Variants in TTC17 observed in about 807,000 individuals in gnomAD.
TTC17 encodes the protein tetratricopeptide repeat protein 17.
TTC17 carries 58 observed loss-of-function variants against 143.8 expected under a neutral mutation model. The observed-to-expected ratio is 0.40, with a 90% CI of 0.33 to 0.50. The LOEUF is 0.50. TTC17 is among the 20% of genes least tolerant of loss of function. TTC17 has a pLI of 0.49. For synonymous variants in TTC17, 501 were observed against 497.8 expected, an observed-to-expected ratio of 1.01 and a Z score of -0.09; for missense variants, 1,273 against 1,392.5, an observed-to-expected ratio of 0.91 and a Z score of 1.37.
chr11:43,432,918 T>G (rs1259229357), intron 16 of TTC17, among the ~76,000 whole-genome samples: 1 of 152,238 alleles, frequency 6.6e-6, no homozygotes, highest in Non-Finnish European at 1.5e-5. Context: ...ATAATTCAAC[T>G]ATCGCCAAGC....
chr11:43,378,488 G>C (rs1856843709), intron 1 of TTC17, among the ~76,000 whole-genome samples: 1 of 152,150 alleles, frequency 6.6e-6, no homozygotes, highest in African/African-American at 2.4e-5. Context: ...GGTTGTTTCT[G>C]ATTGTCCTTT....
intron 15 of TTC17, among the ~76,000 whole-genome samples, chr11:43,409,811 GGTT>G (rs991031162): frequency 2.6e-5 from 4 of 151,478 alleles, no homozygotes; most frequent in African/African-American, 9.7e-5. Flanking sequence ...TTTATCTTGT[GGTT>G]GTTTTTGTTT....
In TTC17 at chr11:43,393,719, A is replaced by G. The variant is rs945733733; in HGVS notation, c.663+1767A>G. 7.2e-5 allele frequency among the ~76,000 whole-genome samples: 11 copies of G among 152,328 alleles called. No individual in the cohort carries two copies. The East Asian group carries it at 2.1e-3, about 29-fold the overall frequency. ...AGCTATCTGGGGGCCACCTGCCTCC[A>G]GTCATCCCATTAGCATATGAAAGAC... On this transcript the variant is annotated intron_variant, in intron 5 of 23. Transcript: ENST00000039989.
intron 15 of TTC17, among the ~76,000 whole-genome samples, chr11:43,414,263 A>G (rs1250862862): frequency 1.3e-5 from 2 of 152,134 alleles, no homozygotes; most frequent in African/African-American, 2.4e-5. Flanking sequence ...CATCACAACA[A>G]TGGTTACTTC....
Position 43,379,288 on chromosome 11 carries a change from A to G in TTC17, c.215A>G (p.Gln72Arg). 6.2e-7 allele frequency: 1 copy of G among 1,612,278 alleles called. No homozygotes were observed. The highest frequency in any genetic ancestry group is 8.5e-7 in the Non-Finnish European group (1 of 1,179,462). The change falls in exon 2 of 24, where the codon CAA (glutamine) becomes CGA (arginine). Residue 72 changes from glutamine to arginine, a missense_variant. Transcript: ENST00000039989. The stretch of plus-strand genomic sequence containing the variant: ...CATGACCTAGTCATATTAATGAGAC[A>G]AGAAGCAACAGTTAACTACCTCAAA... ...HPHDLVILMR[Q>R]EATVNYLKEL...
chr11:43,489,937 A>T, intron 21 of TTC17: 1 of 183,854 alleles, frequency 5.4e-6, no homozygotes. Flanking sequence ...AGTTAAATAA[A>T]ATAGAACATA....
intron 21 of TTC17, among the ~76,000 whole-genome samples, chr11:43,485,288 C>G (rs554742549): frequency 7.9e-5 from 12 of 152,166 alleles, no homozygotes; most frequent in Non-Finnish European, 8.8e-5. Context: ...AGGGACTATT[C>G]AGGAACTGTA....
At chr11:43,420,777 A>G (rs1220865811) in intron 16 of TTC17, among the ~76,000 whole-genome samples, 29 of 152,162 alleles carry the variant, frequency 1.9e-4, no homozygotes, top group Admixed American at 1.9e-3. Flanking sequence ...TTTGTCCTGC[A>G]TGCCAAAAAA....
Position 43,397,292 on chromosome 11 carries a change from T to C in TTC17, c.774-55T>C, listed in dbSNP as rs1857632636. Reference sequence around the variant, plus strand: ...TAAGCACAAGTAACTTTGAATGTCATTTTTCCTTGTCAAGTGGTTCTACAT... The same window carrying C: ...TAAGCACAAGTAACTTTGAATGTCACTTTTCCTTGTCAAGTGGTTCTACAT... On this transcript the variant is annotated intron_variant, in intron 6 of 23. Coordinates refer to ENST00000039989, the MANE Select transcript of TTC17 (RefSeq NM_018259.6). 45 of 1,551,474 alleles carry C rather than the reference T, an allele frequency of 2.9e-5. No homozygotes were observed. In the South Asian group the frequency reaches 4.7e-4, roughly 16 times the overall value.
rs545874465 is a variant in TTC17, at chr11:43,436,045, T to A, written c.2252-7280T>A. The A allele has an allele frequency of 1.5e-5, 13 of 862,398 alleles. No homozygotes were observed. The East Asian group carries it at 4.0e-4, about 27-fold the overall frequency. The allele number at this position is 862,398 out of a possible 1,614,324, so 53.4% of individuals were successfully genotyped here. On this transcript the variant is annotated intron_variant, in intron 16 of 23. Transcript: ENST00000039989. ...GCAGCTCACTGATTTTTGTGTGTTC[T>A]GCTGAAGAAAAACCGGCATTGTCAC...
intron 22 of TTC17, 123 bp from the exon 23 acceptor site, chr11:43,491,895 CTT>C: frequency 3.1e-6 from 4 of 1,294,534 alleles, no homozygotes; most frequent in Non-Finnish European, 4.3e-6. Flanking sequence ...CACAAAAGCA[CTT>C]TGAGTGGCAC....
chr11:43,451,380 C>T (rs1177767080), intron 21 of TTC17, 115 bp downstream of exon 21: 2 of 858,888 alleles, frequency 2.3e-6, no homozygotes, highest in Non-Finnish European at 3.7e-6. Flanking sequence ...CACTTGGTGG[C>T]TAAAAGGATA....
chr11:43,421,589 G>A (rs1241030397), intron 16 of TTC17, among the ~76,000 whole-genome samples: 2 of 152,108 alleles, frequency 1.3e-5, no homozygotes, highest in African/African-American at 4.8e-5. Flanking sequence ...TCTCATAGGA[G>A]CATGAACCTA....
chr11:43,412,817 A>G (rs1035865502), intron 15 of TTC17, among the ~76,000 whole-genome samples: 1 of 152,228 alleles, frequency 6.6e-6, no homozygotes, highest in Admixed American at 6.5e-5. Flanking sequence ...GGAGATATAC[A>G]TCATGTTCAC....
intron 18 of TTC17, 126 bp from the exon 19 acceptor site, chr11:43,447,876 A>G: frequency 8.5e-7 from 1 of 1,178,782 alleles, no homozygotes; most frequent in Non-Finnish European, 1.2e-6. Context: ...GGGAAATGTT[A>G]AAGACTACAG....
intron 16 of TTC17, among the ~76,000 whole-genome samples, chr11:43,417,674 A>G (rs1437455003): frequency 1.3e-5 from 2 of 152,060 alleles, no homozygotes; most frequent in African/African-American, 4.8e-5. Flanking sequence ...CATCTCTACT[A>G]AAAATACAAT....
At chr11:43,366,134 A>G (rs1324668478) in intron 1 of TTC17, among the ~76,000 whole-genome samples, 1 of 151,784 alleles carries the variant, frequency 6.6e-6, no homozygotes. Context: ...CACGTCAGAA[A>G]TCTAGTTGTC....
Position 43,391,596 on chromosome 11 carries a change from A to G in TTC17, c.531+20A>G, listed in dbSNP as rs200176925. 3.8e-4 allele frequency: 478 copies of G among 1,241,756 alleles called. 1 individual carries two copies. The African/African-American group carries it at 0.013, about 33-fold the overall frequency. 76.9% of individuals were successfully genotyped at this position (1,241,756 alleles called of 1,614,324 possible). A position where few individuals can be genotyped will look rare whatever the true frequency, so the allele number is the denominator to read the frequency against. ...TTGAGAGTAAGTAGAGAACTTTAGG[A>G]TTTTTTTTTTTTTGCGTTGCGTTCT... On this transcript the variant is annotated intron_variant, in intron 4 of 23. Coordinates refer to ENST00000039989, the MANE Select transcript of TTC17 (RefSeq NM_018259.6).
chr11:43,435,081 A>T (rs566616030), intron 16 of TTC17: 5 of 69,568 alleles, frequency 7.2e-5, no homozygotes, highest in Middle Eastern at 7.4e-3. Context: ...ATAAGATGAT[A>T]GATAGATAGA....
Sources: gnomAD v4.1 joint callset for allele counts (sites outside exome capture counted in the v4.1 genomes callset) on GRCh38, gnomAD v4.1.1 for gene constraint, MANE v1.5 for transcripts, NCBI Gene and HGNC (gene_info 2026-07-23, HGNC 2026-07-21) for gene names.